Variants in ADCY2 observed in about 807,000 individuals in gnomAD.
The protein encoded by ADCY2 is adenylate cyclase type 2.
Under a neutral mutation model 125.2 loss-of-function variants are expected in ADCY2, and 31 were observed. The ratio of observed to expected loss-of-function variants is 0.25; its 90% CI spans 0.19 to 0.33. The LOEUF (loss-of-function observed/expected upper bound fraction) is 0.33. ADCY2 is among the 10% of genes least tolerant of loss of function. The probability of loss-of-function intolerance (pLI) is 1.00; values close to 1 mark genes in which losing one functional copy is unlikely to be tolerated. For missense variants in ADCY2, 904 were observed against 1,418.2 expected (o/e 0.64, Z 5.82); for synonymous variants, 512 against 548.4 (o/e 0.93, Z 0.93).
intron 24 of ADCY2, among the ~76,000 whole-genome samples, chr5:7,821,862 C>T (rs1183194308): frequency 6.6e-6 from 1 of 152,150 alleles, no homozygotes; most frequent in Non-Finnish European, 1.5e-5. Context: ...CAAGAATTAT[C>T]CTGAACAGGG....
intron 3 of ADCY2, among the ~76,000 whole-genome samples, chr5:7,562,166 CAAGT>C (rs1735729002): frequency 6.6e-6 from 1 of 151,942 alleles, no homozygotes; most frequent in Non-Finnish European, 1.5e-5. Context: ...GCGCTTCTAA[CAAGT>C]CAACTAGTTG....
At chr5:7,821,921 T>C (rs1745314258) in intron 24 of ADCY2, among the ~76,000 whole-genome samples, 1 of 151,804 alleles carries the variant, frequency 6.6e-6, no homozygotes, top group African/African-American at 2.4e-5. Context: ...AAAATAAAGG[T>C]GGTTTGAGGT....
At chr5:7,665,723 C>T (rs550183712) in intron 4 of ADCY2, among the ~76,000 whole-genome samples, 223 of 151,628 alleles carry the variant, frequency 1.5e-3, no homozygotes, top group African/African-American at 5.2e-3. Flanking sequence ...TGCTCTTTTT[C>T]CTTGTATTTC....
chr5:7,556,225 A>C (rs1735503002), intron 3 of ADCY2, among the ~76,000 whole-genome samples: 1 of 152,184 alleles, frequency 6.6e-6, no homozygotes, highest in African/African-American at 2.4e-5. Flanking sequence ...TATTGATTGC[A>C]TCTCCTTTGT....
chr5:7,584,088 C>T (rs75504583), intron 3 of ADCY2, among the ~76,000 whole-genome samples: 12,329 of 152,002 alleles, frequency 0.081, 722 homozygotes, highest in Non-Finnish European at 0.12. Context: ...GTGATTTCTT[C>T]CATAGTGGTA....
At chr5:7,781,910 A>C (rs976839129) in intron 18 of ADCY2, among the ~76,000 whole-genome samples, 7 of 152,202 alleles carry the variant, frequency 4.6e-5, no homozygotes, top group Non-Finnish European at 7.3e-5. Flanking sequence ...TAGGGGCCCT[A>C]ACAGCATCTA....
intron 16 of ADCY2, among the ~76,000 whole-genome samples, chr5:7,760,422 C>T (rs1423773025): frequency 2.6e-5 from 4 of 152,150 alleles, no homozygotes; most frequent in Admixed American, 6.5e-5. Flanking sequence ...GCTAAGGTTC[C>T]AATTTACTCA....
intron 20 of ADCY2, 73 bp downstream of exon 20, chr5:7,789,873 T>G: frequency 8.0e-7 from 1 of 1,253,384 alleles, no homozygotes; most frequent in South Asian, 1.5e-5. Context: ...GCTGAAAGCT[T>G]CTTCAGTGAC....
intron 2 of ADCY2, among the ~76,000 whole-genome samples, chr5:7,480,653 A>G (rs989855305): frequency 6.6e-6 from 1 of 152,242 alleles, no homozygotes; most frequent in East Asian, 1.9e-4. Flanking sequence ...CTGATGGGTA[A>G]TAGGCTTAAT....
In ADCY2 at chr5:7,491,399, C is replaced by T. The variant is rs187115845; in HGVS notation, c.409-29339C>T. On this transcript the variant is annotated intron_variant, in intron 2 of 24. Coordinates refer to ENST00000338316, the MANE Select transcript of ADCY2 (RefSeq NM_020546.3). ...TCCTGAGCAGCTGGGATTACAGGCT[C>T]AAAATGATATATATTTTTTATCACA... Among the ~76,000 whole-genome samples, 38 of 152,150 alleles carry T rather than the reference C, an allele frequency of 2.5e-4. 1 individual carries two copies. The East Asian group carries it at 6.2e-3, about 25-fold the overall frequency.
intron 15 of ADCY2, among the ~76,000 whole-genome samples, chr5:7,748,841 C>T (rs1449352189): frequency 6.6e-6 from 1 of 152,116 alleles, no homozygotes; most frequent in Non-Finnish European, 1.5e-5. Context: ...TCACAAGGGC[C>T]CTTGGAGGTA....
At position 7,789,816 on chromosome 5, in the gene ADCY2, CTG is replaced by C; in HGVS notation, c.2628+17_2628+18del. ...GAAGAATGAGGTCAGACCAGGGGGG[CTG>C]GGGGCTGGGGGAGGGGGCTGGATGC... On this transcript the variant is annotated intron_variant, in intron 20 of 24. Transcript: ENST00000338316. The C allele has an allele frequency of 3.6e-6, 1 of 277,326 alleles. No homozygotes were observed. The highest frequency in any genetic ancestry group is 6.7e-6 in the Non-Finnish European group (1 of 148,372). The allele number at this position is 277,326 out of a possible 1,614,324, so 17.2% of individuals were successfully genotyped here. A position where few individuals can be genotyped will look rare whatever the true frequency, so the allele number is the denominator to read the frequency against.
chr5:7,759,430 C>G (rs1256850733), intron 16 of ADCY2, among the ~76,000 whole-genome samples: 2 of 152,248 alleles, frequency 1.3e-5, no homozygotes, highest in East Asian at 3.9e-4. Flanking sequence ...CAAGTCCATG[C>G]AGGCCACAGC....
chr5:7,458,991 C>T (rs1464411065), intron 2 of ADCY2, among the ~76,000 whole-genome samples: 1 of 152,116 alleles, frequency 6.6e-6, no homozygotes, highest in Non-Finnish European at 1.5e-5. Context: ...ACCACTTGCC[C>T]CAAGACCAAT....
intron 16 of ADCY2, among the ~76,000 whole-genome samples, chr5:7,765,622 T>A (rs1015024507): frequency 6.6e-6 from 1 of 152,136 alleles, no homozygotes; most frequent in Non-Finnish European, 1.5e-5. Context: ...AATAAATTAG[T>A]TTAGGTATTT....
intron 16 of ADCY2, among the ~76,000 whole-genome samples, chr5:7,763,649 C>G (rs2126469673): frequency 6.6e-6 from 1 of 152,246 alleles, no homozygotes; most frequent in South Asian, 2.1e-4. Flanking sequence ...TTCTAGGGAC[C>G]TCACATGAGT....
intron 1 of ADCY2, among the ~76,000 whole-genome samples, chr5:7,412,481 T>C (rs1283879708): frequency 6.6e-6 from 1 of 152,186 alleles, no homozygotes; most frequent in Non-Finnish European, 1.5e-5. Context: ...GTCCCACGTG[T>C]CCGTTTGTTC....
chr5:7,427,926 C>A (rs1184466883), intron 2 of ADCY2, among the ~76,000 whole-genome samples: 1 of 152,194 alleles, frequency 6.6e-6, no homozygotes, highest in Non-Finnish European at 1.5e-5. Context: ...TATGGCATGG[C>A]TCCTTGTGCT....
At chr5:7,812,312 G>A (rs1056793585) in intron 22 of ADCY2, among the ~76,000 whole-genome samples, 3 of 152,280 alleles carry the variant, frequency 2.0e-5, no homozygotes, top group Admixed American at 1.3e-4. Context: ...CTCTCATGCT[G>A]TTAACAGGAA....
Sources: gnomAD v4.1 joint callset for allele counts (sites outside exome capture counted in the v4.1 genomes callset) on GRCh38, gnomAD v4.1.1 for gene constraint, MANE v1.5 for transcripts, NCBI Gene and HGNC (gene_info 2026-07-23, HGNC 2026-07-21) for gene names.